DOCK5: variants seen among roughly 807,000 people sequenced by gnomAD.
DOCK5 encodes dedicator of cytokinesis protein 5.
DOCK5 carries 142 observed loss-of-function variants against 251.8 expected under a neutral mutation model. That is an observed-to-expected ratio of 0.56 (90% CI 0.49 to 0.65). The LOEUF is 0.65. Among genes scored for constraint, DOCK5 ranks in the 30% least tolerant of loss-of-function variants. The pLI, the probability that DOCK5 is intolerant of heterozygous loss-of-function variation, is 0.00. For missense variants in DOCK5, 2,111 were observed against 2,312.3 expected (o/e 0.91, Z 1.79); for synonymous variants, 842 against 835.5 (o/e 1.01, Z -0.13).
Position 25,219,350 on chromosome 8 carries a change from A to C in DOCK5, c.44-24324A>C, listed in dbSNP as rs73673865. On this transcript the variant is annotated intron_variant, in intron 1 of 51. Coordinates refer to ENST00000276440, the MANE Select transcript of DOCK5 (RefSeq NM_024940.8). ...TCAGTGGCATGTTTTTTTATTAAAG[A>C]CCTCATCCCTGGAGCACTTTTTCTG... Among the ~76,000 whole-genome samples, 236 of 151,920 alleles carry C rather than the reference A, an allele frequency of 1.6e-3. 1 individual carries two copies. Among genetic ancestry groups the C allele is most frequent in the African/African-American group, 5.2e-3 (216 of 41,426 alleles).
intron 3 of DOCK5, 147 bp from the exon 4 acceptor site, chr8:25,275,239 C>G: frequency 1.7e-6 from 1 of 579,112 alleles, no homozygotes; most frequent in Non-Finnish European, 3.0e-6. Flanking sequence ...AGCCAGTCAA[C>G]GTAAGTGGTG....
intron 1 of DOCK5, among the ~76,000 whole-genome samples, chr8:25,194,540 A>T (rs1485814914): frequency 4.6e-5 from 7 of 152,006 alleles, no homozygotes; most frequent in Non-Finnish European, 8.8e-5. Flanking sequence ...TCTACCTGAT[A>T]ACAAGTGATC....
intron 1 of DOCK5, among the ~76,000 whole-genome samples, chr8:25,196,466 T>C (rs551751032): frequency 1.3e-5 from 2 of 152,332 alleles, no homozygotes; most frequent in African/African-American, 4.8e-5. Context: ...AAATAAAAAA[T>C]CTGAGAAATC....
At chr8:25,212,160 C>CA (rs34369476) in intron 1 of DOCK5, among the ~76,000 whole-genome samples, 5 of 36,984 alleles carry the variant, frequency 1.4e-4, no homozygotes, top group African/African-American at 2.9e-4. Flanking sequence ...GACTCCGTCT[C>CA]AAAAAAAAAA....
intron 25 of DOCK5, among the ~76,000 whole-genome samples, chr8:25,343,988 T>A (rs1050044112): frequency 3.4e-4 from 51 of 152,110 alleles, no homozygotes; most frequent in Admixed American, 9.2e-4. Context: ...TTTGTAATCT[T>A]AGTAAAGCCA....
chr8:25,192,447 C>T (rs969996835), intron 1 of DOCK5, among the ~76,000 whole-genome samples: 1 of 152,220 alleles, frequency 6.6e-6, no homozygotes, highest in Non-Finnish European at 1.5e-5. Flanking sequence ...TTGCCCTGTT[C>T]AGGTACCACT....
chr8:25,213,909 C>T (rs1445117567), intron 1 of DOCK5, among the ~76,000 whole-genome samples: 2 of 152,060 alleles, frequency 1.3e-5, no homozygotes, highest in Non-Finnish European at 2.9e-5. Flanking sequence ...TACTTGAGAC[C>T]AGAAGTGTTT....
At chr8:25,221,907 T>C (rs1802401872) in intron 1 of DOCK5, among the ~76,000 whole-genome samples, 1 of 152,178 alleles carries the variant, frequency 6.6e-6, no homozygotes, top group Admixed American at 6.5e-5. Context: ...ATAGTAACGC[T>C]GATCATATCA....
At chr8:25,328,069 G>T (rs533280035) in intron 18 of DOCK5, among the ~76,000 whole-genome samples, 2 of 151,846 alleles carry the variant, frequency 1.3e-5, no homozygotes, top group African/African-American at 2.4e-5. Flanking sequence ...TGCCCTAGTC[G>T]CATTTCAAGC....
Position 25,410,210 on chromosome 8 carries a change from A to T in DOCK5, c.5508+8A>T. 1 of 1,612,152 alleles carries T rather than the reference A, an allele frequency of 6.2e-7. No individual in the cohort carries two copies. The highest frequency in any genetic ancestry group is 8.5e-7 in the Non-Finnish European group (1 of 1,178,760). Reference sequence around the variant, plus strand: ...CAGAGGAACTCCACTGAGGTAGGGAAATCACAGCTGGCAACTGTGGCCAGG... The same window carrying T: ...CAGAGGAACTCCACTGAGGTAGGGATATCACAGCTGGCAACTGTGGCCAGG... On this transcript the variant is annotated splice_region_variant and intron_variant, in intron 51 of 51. Transcript: ENST00000276440.
chr8:25,235,385 C>T (rs112307709), intron 1 of DOCK5, among the ~76,000 whole-genome samples: 2,212 of 152,160 alleles, frequency 0.015, 58 homozygotes, highest in African/African-American at 0.05. Context: ...CTCACCCTCT[C>T]GGGTAGCTAG....
chr8:25,369,996 A>G (rs1000839247), intron 34 of DOCK5, among the ~76,000 whole-genome samples: 1 of 152,240 alleles, frequency 6.6e-6, no homozygotes, highest in Non-Finnish European at 1.5e-5. Context: ...AAAGGAAAAA[A>G]TATTTCAAGG....
At chr8:25,406,508 A>C (rs1801525754) in intron 48 of DOCK5, among the ~76,000 whole-genome samples, 1 of 152,184 alleles carries the variant, frequency 6.6e-6, no homozygotes, top group Non-Finnish European at 1.5e-5. Flanking sequence ...TAAATTATGC[A>C]TTCTTTTCCG....
chr8:25,266,417 G>A lies in DOCK5; in HGVS notation c.128-2428G>A, dbSNP rs375156808. On this transcript the variant is annotated intron_variant, in intron 2 of 51. Coordinates refer to ENST00000276440, the MANE Select transcript of DOCK5 (RefSeq NM_024940.8). ...TTTTTAGTAGAGACGGGGTTTCACC[G>A]TGATAGCCAGGATGGTCTCGATCTC... 2.1e-4 allele frequency among the ~76,000 whole-genome samples: 30 copies of A among 140,776 alleles called. 1 individual carries two copies. In the South Asian group the frequency reaches 6.1e-3, roughly 29 times the overall value. The allele number at this position is 140,776 out of a possible 152,430, so 92.4% of individuals were successfully genotyped here. A position where few individuals can be genotyped will look rare whatever the true frequency, so the allele number is the denominator to read the frequency against.
intron 36 of DOCK5, among the ~76,000 whole-genome samples, chr8:25,374,329 C>T (rs370684011): frequency 1.1e-4 from 17 of 152,140 alleles, no homozygotes; most frequent in African/African-American, 3.9e-4. Context: ...CATGGTGAAA[C>T]CCTGTCTCTA....
In DOCK5 at chr8:25,216,181, C is replaced by G. The variant is rs571451166; in HGVS notation, c.44-27493C>G. Among the ~76,000 whole-genome samples the G allele has an allele frequency of 1.7e-3, 214 of 129,308 alleles. 12 individuals carry two copies. The highest frequency in any genetic ancestry group is 2.8e-3 in the Non-Finnish European group (169 of 60,962). The allele number at this position is 129,308 out of a possible 152,430, so 84.8% of individuals were successfully genotyped here. On this transcript the variant is annotated intron_variant, in intron 1 of 51. Transcript: ENST00000276440. ...TATATATGTATACAATATGTGCATA[C>G]AATATGTATATATGTATACAATATG...
At chr8:25,400,660 G>A (rs1314986018) in intron 46 of DOCK5, among the ~76,000 whole-genome samples, 7 of 151,856 alleles carry the variant, frequency 4.6e-5, no homozygotes, top group African/African-American at 1.7e-4. Context: ...GCTCATCCAC[G>A]GAAGTGCCCC....
At chr8:25,376,209 A>G (rs906738180) in intron 37 of DOCK5, 23 of 985,102 alleles carry the variant, frequency 2.3e-5, no homozygotes, top group Admixed American at 6.2e-5. Context: ...CAGTGTCTGT[A>G]ACTGTAGGTC....
intron 37 of DOCK5, chr8:25,376,161 C>T: frequency 1.0e-6 from 1 of 982,064 alleles, no homozygotes; most frequent in Non-Finnish European, 1.2e-6. Flanking sequence ...GGCTTGTTGA[C>T]TGTGGATTTC....
Sources: allele counts gnomAD v4.1 joint callset (sites outside exome capture counted in the v4.1 genomes callset), GRCh38; gene constraint gnomAD v4.1.1; transcripts MANE v1.5; gene names NCBI Gene and HGNC (gene_info 2026-07-23, HGNC 2026-07-21).